Variants in LRRK2 observed in about 807,000 individuals in gnomAD.
LRRK2 encodes the protein leucine-rich repeat serine/threonine-protein kinase 2.
A neutral mutation model predicts 302.6 loss-of-function variants in LRRK2; 203 were observed. The ratio of observed to expected loss-of-function variants is 0.67; its 90% CI spans 0.60 to 0.75. LRRK2 has a LOEUF of 0.75. Ranked by LOEUF, LRRK2 falls within the 30% of genes least tolerant of loss-of-function variation. The pLI is 0.00. For missense variants in LRRK2, 2,830 were observed against 2,951.0 expected, an observed-to-expected ratio of 0.96 and a Z score of 0.95; for synonymous variants, 1,066 against 1,031.9, an observed-to-expected ratio of 1.03 and a Z score of -0.63.
intron 23 of LRRK2, among the ~76,000 whole-genome samples, chr12:40,297,294 C>T (rs771374378): frequency 1.3e-5 from 2 of 152,210 alleles, no homozygotes; most frequent in East Asian, 3.8e-4. Context: ...CAAGGTGAGA[C>T]ATGCCGGCAT....
chr12:40,358,534 G>T (rs1946611063), intron 46 of LRRK2, among the ~76,000 whole-genome samples: 1 of 152,164 alleles, frequency 6.6e-6, no homozygotes, highest in East Asian at 1.9e-4. Flanking sequence ...AAATTAGTTG[G>T]CTTTAAATAT....
chr12:40,238,906 A>C (rs921904786), intron 5 of LRRK2, among the ~76,000 whole-genome samples: 1 of 152,200 alleles, frequency 6.6e-6, no homozygotes, highest in African/African-American at 2.4e-5. Flanking sequence ...ATTATAATAC[A>C]CAAGAGTAAA....
At chr12:40,245,397 G>C (rs1164539920) in intron 7 of LRRK2, among the ~76,000 whole-genome samples, 2 of 151,978 alleles carry the variant, frequency 1.3e-5, no homozygotes, top group South Asian at 2.1e-4. Context: ...AATCTGATTT[G>C]TCTGAATCAG....
intron 39 of LRRK2, among the ~76,000 whole-genome samples, chr12:40,331,668 G>A (rs1052043473): frequency 2.0e-5 from 3 of 152,020 alleles, no homozygotes; most frequent in African/African-American, 7.3e-5. Flanking sequence ...AGCCATCCTG[G>A]GCCACATGCG....
At chr12:40,267,710 C>T (rs1943077739) in intron 14 of LRRK2, among the ~76,000 whole-genome samples, 1 of 152,068 alleles carries the variant, frequency 6.6e-6, no homozygotes, top group South Asian at 2.1e-4. Context: ...TATGGGGAAA[C>T]ACAAGTAACA....
intron 25 of LRRK2, among the ~76,000 whole-genome samples, chr12:40,300,339 A>G (rs997021162): frequency 1.1e-4 from 17 of 152,198 alleles, no homozygotes; most frequent in Non-Finnish European, 1.8e-4. Flanking sequence ...CTAAATGAAC[A>G]TTTTAATTTT....
chr12:40,268,860 A>G (rs1348558264), intron 14 of LRRK2, among the ~76,000 whole-genome samples: 4 of 152,156 alleles, frequency 2.6e-5, no homozygotes, highest in Non-Finnish European at 5.9e-5. Flanking sequence ...ATGTTATGAT[A>G]TTCCTCGACT....
chr12:40,321,965 G>A, intron 35 of LRRK2, 70 bp from the exon 36 acceptor site: 2 of 1,462,422 alleles, frequency 1.4e-6, no homozygotes, highest in Admixed American at 1.7e-5. Flanking sequence ...ACAATCACTT[G>A]TGTTGTGTGC....
intron 34 of LRRK2, 118 bp from the exon 35 acceptor site, chr12:40,320,916 A>G: frequency 1.6e-6 from 2 of 1,273,478 alleles, no homozygotes; most frequent in Non-Finnish European, 2.3e-6. Context: ...CAATGTTACA[A>G]AAAGATTACA....
intron 8 of LRRK2, 50 bp downstream of exon 8, chr12:40,249,995 A>G: frequency 7.5e-6 from 12 of 1,604,858 alleles, no homozygotes; most frequent in Non-Finnish European, 1.0e-5. Flanking sequence ...TTTGACATCA[A>G]ATATGAACAT....
chr12:40,364,943 G>A lies in LRRK2; in HGVS notation c.7283G>A (p.Gly2428Glu). The change falls in exon 49 of 51, where the codon GGA becomes GAA. Residue 2428 changes from glycine to glutamate, a missense_variant. Physicochemically the swap from Gly to Glu is moderately conservative, Grantham distance 98. Transcript: ENST00000298910. ...CLQKNTALWI[G>E]TGGGHILLLD... ...CAGAAGAACACTGCTCTTTGGATAG[G>A]AACTGGAGGAGGCCATATTTTACTC... 1 of 1,612,542 alleles carries A rather than the reference G, an allele frequency of 6.2e-7. No individual in the cohort carries two copies. The highest frequency in any genetic ancestry group is 1.3e-5 in the African/African-American group (1 of 74,890).
chr12:40,291,125 T>C (rs1436331657), intron 20 of LRRK2, among the ~76,000 whole-genome samples: 2 of 151,954 alleles, frequency 1.3e-5, no homozygotes, highest in South Asian at 4.1e-4. Context: ...TCATGTCCTT[T>C]GTAGGGACAT....
chr12:40,302,755 G>A (rs199493665), intron 25 of LRRK2, 34 bp from the exon 26 acceptor site: 2 of 1,374,392 alleles, frequency 1.5e-6, no homozygotes, highest in African/African-American at 1.4e-5. Flanking sequence ...TGGTTAAAAT[G>A]ATTAAAATGT....
In LRRK2 at chr12:40,238,664, A is replaced by G. The variant is rs539017473; in HGVS notation, c.571+561A>G. 5.9e-5 allele frequency among the ~76,000 whole-genome samples: 9 copies of G among 152,268 alleles called. No individual in the cohort carries two copies. In the East Asian group the frequency reaches 1.7e-3, roughly 29 times the overall value. ...AGTGAAGTGAGCATCCTGCCTGAGG[A>G]CACAGAGCTTGTGACAGTACAGTTC... On this transcript the variant is annotated intron_variant, in intron 5 of 50. Transcript: ENST00000298910.
rs992313644 is a variant in LRRK2, at chr12:40,369,161, C to G, written c.*1396C>G. The G allele has an allele frequency of 8.6e-5, 13 of 151,700 alleles. No individual in the cohort carries two copies. The highest frequency in any genetic ancestry group is 7.9e-4 in the Admixed American group (12 of 15,172). 9.4% of individuals were successfully genotyped at this position (151,700 alleles called of 1,614,324 possible). Reference sequence around the variant, plus strand: ...AACAAAAAAATCATATATAATAGAGCTCTTTGTTCCAGTGTTATCTCTTTC... The same window carrying G: ...AACAAAAAAATCATATATAATAGAGGTCTTTGTTCCAGTGTTATCTCTTTC... On this transcript the variant is annotated 3_prime_UTR_variant, in exon 51 of 51. Coordinates refer to ENST00000298910, the MANE Select transcript of LRRK2 (RefSeq NM_198578.4).
intron 27 of LRRK2, chr12:40,304,357 A>G (rs1330864013): frequency 3.4e-6 from 2 of 585,132 alleles, no homozygotes; most frequent in African/African-American, 3.7e-5. Flanking sequence ...TCTCACACCG[A>G]CAATTTAAAA....
chr12:40,242,171 G>A (rs144628558), intron 6 of LRRK2, among the ~76,000 whole-genome samples: 105 of 152,174 alleles, frequency 6.9e-4, no homozygotes, highest in African/African-American at 2.4e-3. Context: ...AAAAACATTT[G>A]CTTTTCAGTC....
At chr12:40,318,251 T>A (rs1945287143) in intron 33 of LRRK2, among the ~76,000 whole-genome samples, 2 of 152,058 alleles carry the variant, frequency 1.3e-5, no homozygotes, top group Non-Finnish European at 2.9e-5. Context: ...AGACTCTATA[T>A]GAATAGCACC....
At position 40,268,240 on chromosome 12, in the gene LRRK2, G is replaced by A. The variant is rs534709547; in HGVS notation, c.1656+4339G>A. Among the ~76,000 whole-genome samples, 11 of 152,300 alleles carry A rather than the reference G, an allele frequency of 7.2e-5. 1 individual carries two copies. The highest frequency in any genetic ancestry group is 7.2e-4 in the Admixed American group (11 of 15,282). On this transcript the variant is annotated intron_variant, in intron 14 of 50. Coordinates refer to ENST00000298910, the MANE Select transcript of LRRK2 (RefSeq NM_198578.4). ...GCCGCATCTGTGTTTTATATGCGGT[G>A]ACACTCCTGTTCTCTTCAGTGAGGA...
Sources: allele counts gnomAD v4.1 joint callset (sites outside exome capture counted in the v4.1 genomes callset), GRCh38; gene constraint gnomAD v4.1.1; transcripts MANE v1.5; gene names NCBI Gene and HGNC (gene_info 2026-07-23, HGNC 2026-07-21).